Variants in NCOR2 observed in about 807,000 individuals in gnomAD.
NCOR2 encodes the protein nuclear receptor corepressor 2, also known as CTG repeat protein 26.
In NCOR2, 81 loss-of-function variants were observed where a neutral mutation model predicts 262.9. The ratio of observed to expected loss-of-function variants is 0.31; its 90% confidence interval spans 0.26 to 0.37. NCOR2 has a LOEUF of 0.37. NCOR2 is among the 10% of genes least tolerant of loss of function. The pLI is 1.00. For missense variants in NCOR2, 3,385 were observed against 3,621.4 expected, an observed-to-expected ratio of 0.93 and a Z score of 1.68; for synonymous variants, 1,659 against 1,559.3, an observed-to-expected ratio of 1.06 and a Z score of -1.51.
chr12:124,420,550 C>T (rs570801814), intron 12 of NCOR2, among the ~76,000 whole-genome samples: 11 of 152,198 alleles, frequency 7.2e-5, no homozygotes, highest in South Asian at 2.1e-4. Flanking sequence ...CCTTGTGCAT[C>T]GGGACCGCCC....
chr12:124,508,080 A>G (rs2049148628), intron 1 of NCOR2, among the ~76,000 whole-genome samples: 1 of 152,194 alleles, frequency 6.6e-6, no homozygotes, highest in South Asian at 2.1e-4. Context: ...GTCCAGGGCG[A>G]CAGAGCCCAC....
At chr12:124,455,200 C>T (rs143190248) in intron 6 of NCOR2, among the ~76,000 whole-genome samples, 3 of 152,356 alleles carry the variant, frequency 2.0e-5, no homozygotes, top group East Asian at 3.9e-4. Flanking sequence ...CTAAAACCCA[C>T]TGAACTGGAC....
At chr12:124,390,877 C>A (rs918642876) in intron 16 of NCOR2, among the ~76,000 whole-genome samples, 2 of 152,238 alleles carry the variant, frequency 1.3e-5, no homozygotes, top group Admixed American at 6.5e-5. Flanking sequence ...GTGAAATTGA[C>A]CAAGACAGGA....
exon 37 of NCOR2, chr12:124,340,202 T>A: frequency 6.2e-7 from 1 of 1,608,786 alleles, no homozygotes; most frequent in Non-Finnish European, 8.5e-7. Flanking sequence ...CTCTGCTCTG[T>A]ACCTGGTGAC....
intron 15 of NCOR2, 107 bp from the exon 18 acceptor site, chr12:124,398,288 G>A (rs117510453): frequency 0.066 from 81,867 of 1,233,454 alleles, 3,236 homozygotes; most frequent in Non-Finnish European, 0.081. Context: ...AGGCCTTGAC[G>A]GTGTCACCGC....
intron 17 of NCOR2, among the ~76,000 whole-genome samples, chr12:124,380,548 G>A (rs1158696687): frequency 6.6e-6 from 1 of 152,212 alleles, no homozygotes; most frequent in African/African-American, 2.4e-5. Flanking sequence ...GTTCGAGCCT[G>A]TGGCGGCCTG....
At chr12:124,340,715 A>G in exon 35 of NCOR2, 1 of 1,544,700 alleles carries the variant, frequency 6.5e-7, no homozygotes, top group Middle Eastern at 1.7e-4. Context: ...GGGCACGAGC[A>G]CAGGCAGGTG....
intron 1 of NCOR2, among the ~76,000 whole-genome samples, chr12:124,544,258 G>T (rs1402907477): frequency 6.6e-6 from 1 of 152,216 alleles, no homozygotes; most frequent in African/African-American, 2.4e-5. Flanking sequence ...ATGAACTCAG[G>T]TTTAGCCCCA....
At chr12:124,419,374 A>C (rs1056421891) in intron 13 of NCOR2, among the ~76,000 whole-genome samples, 1 of 152,216 alleles carries the variant, frequency 6.6e-6, no homozygotes, top group Non-Finnish European at 1.5e-5. Context: ...CTGTGTTCCA[A>C]TAAAACTTTA....
chr12:124,327,866 C>T lies in NCOR2; in HGVS notation c.6959-233G>A, dbSNP rs567793053. 3.7e-4 allele frequency among the ~76,000 whole-genome samples: 57 copies of T among 152,102 alleles called. No individual in the cohort carries two copies. In the East Asian group the frequency reaches 0.01, roughly 27 times the overall value. On this transcript the variant is annotated intron_variant, in intron 44 of 46. Coordinates refer to ENST00000405201, the Ensembl canonical transcript of NCOR2. ...AAAGGGGAGAGGCTGGTTCCTTCTA[C>T]CTGGGGCCCCGGAAGCTCTTGGGCA...
intron 32 of NCOR2, among the ~76,000 whole-genome samples, chr12:124,344,097 C>T (rs2036705409): frequency 6.6e-6 from 1 of 152,198 alleles, no homozygotes; most frequent in South Asian, 2.1e-4. Context: ...GGAGGAGCCA[C>T]GCAAAGGCCC....
chr12:124,419,877 C>CG lies in NCOR2; in HGVS notation c.1482+79dup, dbSNP rs889883909. On this transcript the variant is annotated intron_variant, in intron 13 of 46. Coordinates refer to ENST00000405201, the Ensembl canonical transcript of NCOR2. ...ATGGAGACAGTTACCGCCAGCCATG[C>CG]GGGGTGCTGGCCACCAAGCAAGTGG... 8.6e-6 allele frequency: 11 copies of CG among 1,280,876 alleles called. No individual in the cohort carries two copies. In the African/African-American group the frequency reaches 1.2e-4, roughly 14 times the overall value. 79.3% of individuals were successfully genotyped at this position (1,280,876 alleles called of 1,614,324 possible). A position where few individuals can be genotyped will look rare whatever the true frequency, so the allele number is the denominator to read the frequency against.
At chr12:124,448,070 C>G (rs142921917) in intron 7 of NCOR2, among the ~76,000 whole-genome samples, 3 of 152,314 alleles carry the variant, frequency 2.0e-5, no homozygotes, top group African/African-American at 4.8e-5. Context: ...AGGGATGAGG[C>G]CTTTGTTTTA....
rs188354054 is a variant in NCOR2 at position 124,342,619 on chromosome 12, C to T, written c.4936+386G>A. On this transcript the variant is annotated intron_variant, in intron 33 of 46. Transcript: ENST00000405201. ...TCCTGACCTTGTGATCCGCCTGCCT[C>T]GGCCTCCCAAAGTGCTGGGATTACA... Among the ~76,000 whole-genome samples the T allele has an allele frequency of 2.0e-3, 299 of 152,284 alleles. 2 individuals carry two copies. Among genetic ancestry groups the T allele is most frequent in the African/African-American group, 6.7e-3 (278 of 41,554 alleles).
intron 13 of NCOR2, 99 bp from the exon 16 acceptor site, chr12:124,402,660 G>A: frequency 6.5e-7 from 1 of 1,528,640 alleles, no homozygotes; most frequent in Non-Finnish European, 8.8e-7. Context: ...TGGGGGAGGA[G>A]GAGGAAAACC....
chr12:124,552,944 C>T (rs1370929161), intron 1 of NCOR2, among the ~76,000 whole-genome samples: 1 of 152,214 alleles, frequency 6.6e-6, no homozygotes, highest in Non-Finnish European at 1.5e-5. Flanking sequence ...CTCAGCCTCA[C>T]AAAGTGCTGG....
intron 20 of NCOR2, among the ~76,000 whole-genome samples, chr12:124,367,635 T>C: frequency 6.6e-6 from 1 of 152,146 alleles, no homozygotes; most frequent in Admixed American, 6.5e-5. Context: ...ATTTTATTTA[T>C]TTATTTATTT....
intron 31 of NCOR2, among the ~76,000 whole-genome samples, chr12:124,345,349 A>G (rs1404384135): frequency 1.3e-5 from 2 of 152,122 alleles, no homozygotes; most frequent in Non-Finnish European, 2.9e-5. Flanking sequence ...CCAAGCAGAA[A>G]AAGTCAGCAC....
chr12:124,337,049 G>A, exon 38 of NCOR2: 1 of 1,495,204 alleles, frequency 6.7e-7, no homozygotes, highest in Non-Finnish European at 8.9e-7. Flanking sequence ...GGCGACCCGG[G>A]GGGCCTCCTT....
Sources: gnomAD v4.1 joint callset for allele counts (sites outside exome capture counted in the v4.1 genomes callset) on GRCh38, gnomAD v4.1.1 for gene constraint, MANE v1.5 for transcripts, NCBI Gene and HGNC (gene_info 2026-07-23, HGNC 2026-07-21) for gene names.